The following MSH3 variants were observed in gnomAD, a reference collection of about 807,000 sequenced individuals.
The protein encoded by MSH3 is mutS homolog 3, also known as DNA mismatch repair protein Msh3.
A neutral mutation model predicts 123.3 loss-of-function variants in MSH3; 106 were observed. The ratio of observed to expected loss-of-function variants is 0.86; its 90% confidence interval spans 0.73 to 1.01. The LOEUF is 1.01. Ranked by LOEUF, MSH3 falls within the 50% of genes least tolerant of loss-of-function variation. MSH3 has a pLI of 0.00. For synonymous variants in MSH3, 515 were observed against 481.4 expected (o/e 1.07, Z -0.91); for missense variants, 1,459 against 1,347.6 (o/e 1.08, Z -1.29).
At chr5:80,802,183 T>C (rs527751925) in intron 19 of MSH3, among the ~76,000 whole-genome samples, 2 of 152,190 alleles carry the variant, frequency 1.3e-5, no homozygotes, top group South Asian at 2.1e-4. Context: ...TTGTAATTTT[T>C]TTTAAGAAAT....
At chr5:80,750,372 C>A (rs1038176216) in intron 12 of MSH3, among the ~76,000 whole-genome samples, 1 of 152,016 alleles carries the variant, frequency 6.6e-6, no homozygotes, top group Admixed American at 6.6e-5. Flanking sequence ...GACAAGGGTT[C>A]CCTTTTCTCC....
intron 8 of MSH3, among the ~76,000 whole-genome samples, chr5:80,701,171 G>A (rs1334276329): frequency 6.6e-6 from 1 of 152,076 alleles, no homozygotes; most frequent in Non-Finnish European, 1.5e-5. Flanking sequence ...ATTATTTCAG[G>A]TGAAGGCAAA....
At chr5:80,755,602 C>G (rs565729431) in intron 12 of MSH3, among the ~76,000 whole-genome samples, 1 of 152,022 alleles carries the variant, frequency 6.6e-6, no homozygotes, top group Non-Finnish European at 1.5e-5. Context: ...AACAAACATC[C>G]CTTTAGGACA....
chr5:80,828,639 G>T (rs138685041), intron 20 of MSH3, among the ~76,000 whole-genome samples: 118 of 152,306 alleles, frequency 7.7e-4, no homozygotes, highest in African/African-American at 2.6e-3. Context: ...CCTGTGAAAT[G>T]AACGTGTTAC....
chr5:80,758,068 A>G (rs746463454), intron 12 of MSH3, among the ~76,000 whole-genome samples: 8 of 152,128 alleles, frequency 5.3e-5, no homozygotes, highest in African/African-American at 1.4e-4. Flanking sequence ...TGCTTTCTCA[A>G]TGCAACCTAC....
intron 7 of MSH3, among the ~76,000 whole-genome samples, chr5:80,677,605 C>T (rs1749871286): frequency 6.6e-6 from 1 of 152,206 alleles, no homozygotes; most frequent in Admixed American, 6.5e-5. Context: ...AGCTATAACA[C>T]TGCCTCCAAC....
At chr5:80,721,376 T>C (rs1039604816) in intron 8 of MSH3, among the ~76,000 whole-genome samples, 10 of 152,192 alleles carry the variant, frequency 6.6e-5, no homozygotes, top group Non-Finnish European at 1.5e-4. Context: ...TCATAGGGCC[T>C]AGAGTTCTCA....
At chr5:80,742,290 G>A (rs1021686124) in intron 11 of MSH3, among the ~76,000 whole-genome samples, 2 of 152,192 alleles carry the variant, frequency 1.3e-5, no homozygotes, top group Admixed American at 6.5e-5. Context: ...GATTACAGGC[G>A]TAAGCAAACG....
intron 20 of MSH3, among the ~76,000 whole-genome samples, chr5:80,821,927 CCCAGTGGCCTTGTGTCTTCTG>C (rs1194817513): frequency 6.6e-6 from 1 of 152,228 alleles, no homozygotes; most frequent in Non-Finnish European, 1.5e-5. Context: ...TTGTCTCTGA[CCCAGTGGCCTTGTGTCTTCTG>C]CCGTTATCTG....
At chr5:80,776,928 A>ATTTTTTTTTTTTTTTTTTT (rs551087715) in intron 16 of MSH3, among the ~76,000 whole-genome samples, 1 of 139,412 alleles carries the variant, frequency 7.2e-6, no homozygotes, top group Non-Finnish European at 1.5e-5. Flanking sequence ...ATATATATAT[A>ATTTTTTTTTTTTTTTTTTT]TTTTTTTTTT....
At chr5:80,727,766 A>G (rs780211052) in intron 9 of MSH3, among the ~76,000 whole-genome samples, 9 of 152,198 alleles carry the variant, frequency 5.9e-5, no homozygotes, top group Non-Finnish European at 1.0e-4. Flanking sequence ...GAGATGTACA[A>G]TAAAGTAAAC....
chr5:80,664,471 G>A (rs956978557), intron 2 of MSH3, among the ~76,000 whole-genome samples: 2 of 138,882 alleles, frequency 1.4e-5, no homozygotes, highest in African/African-American at 2.8e-5. Flanking sequence ...CATACATTGT[G>A]TCTGTGTTCC....
intron 15 of MSH3, 45 bp downstream of exon 15, chr5:80,769,048 A>T: frequency 6.5e-7 from 1 of 1,528,320 alleles, no homozygotes; most frequent in Admixed American, 1.7e-5. Context: ...TTACTCTAGT[A>T]GAAAAGCTAT....
At chr5:80,714,512 A>T (rs1371717253) in intron 8 of MSH3, among the ~76,000 whole-genome samples, 3 of 152,182 alleles carry the variant, frequency 2.0e-5, no homozygotes, top group Non-Finnish European at 4.4e-5. Context: ...CCAGGAAAAT[A>T]GAGATAGGAG....
At chr5:80,868,724 G>A (rs960998986) in intron 22 of MSH3, among the ~76,000 whole-genome samples, 1 of 148,548 alleles carries the variant, frequency 6.7e-6, no homozygotes, top group Non-Finnish European at 1.5e-5. Flanking sequence ...CGTGACACAA[G>A]TTTACCTCTA....
rs571965649 is a variant in MSH3 at position 80,755,106 on chromosome 5, C to T, written c.1764-6440C>T. ...TGGGAAGGGAGAGTAGCAGGTGGTG[C>T]GTAATTGAGAGCTGTGTTTGATTGG... On this transcript the variant is annotated intron_variant, in intron 12 of 23. Transcript: ENST00000265081. 1.1e-4 allele frequency among the ~76,000 whole-genome samples: 16 copies of T among 152,162 alleles called. No individual in the cohort carries two copies. The South Asian group carries it at 2.9e-3, about 28-fold the overall frequency.
intron 20 of MSH3, among the ~76,000 whole-genome samples, chr5:80,842,015 C>T (rs1281764496): frequency 1.3e-5 from 2 of 152,246 alleles, no homozygotes; most frequent in East Asian, 3.9e-4. Flanking sequence ...CCTAGGTTTT[C>T]TTCTAGGGTT....
chr5:80,749,110 G>T (rs1332323867), intron 12 of MSH3, among the ~76,000 whole-genome samples: 1 of 152,086 alleles, frequency 6.6e-6, no homozygotes, highest in Admixed American at 6.6e-5. Flanking sequence ...TAGAGGGAGA[G>T]AACTAATAGG....
At chr5:80,848,527 C>T (rs1183406867) in intron 20 of MSH3, among the ~76,000 whole-genome samples, 4 of 152,184 alleles carry the variant, frequency 2.6e-5, no homozygotes, top group South Asian at 4.1e-4. Context: ...GTTTATTGGA[C>T]TTACAGTTCC....
Sources: gnomAD v4.1 joint callset for allele counts (sites outside exome capture counted in the v4.1 genomes callset) on GRCh38, gnomAD v4.1.1 for gene constraint, MANE v1.5 for transcripts, NCBI Gene and HGNC (gene_info 2026-07-23, HGNC 2026-07-21) for gene names.